The following SCAPER variants were observed in gnomAD, a reference collection of about 807,000 sequenced individuals.
SCAPER encodes the protein S phase cyclin A-associated protein in the endoplasmic reticulum.
SCAPER carries 98 observed loss-of-function variants against 182.2 expected under a neutral mutation model. That is an observed-to-expected ratio of 0.54 (90% confidence interval 0.46 to 0.64). SCAPER has a LOEUF of 0.64. SCAPER is among the 30% of genes least tolerant of loss of function. The pLI is 0.00. For missense variants in SCAPER, 1,432 were observed against 1,690.0 expected (o/e 0.85, Z 2.68); for synonymous variants, 605 against 564.6 (o/e 1.07, Z -1.01).
At chr15:76,677,139 C>T (rs975635080) in intron 20 of SCAPER, among the ~76,000 whole-genome samples, 2 of 152,076 alleles carry the variant, frequency 1.3e-5, no homozygotes, top group African/African-American at 2.4e-5. Context: ...ATGTGAATCA[C>T]AATAAAAATC....
intron 22 of SCAPER, among the ~76,000 whole-genome samples, chr15:76,618,222 T>A (rs1223895093): frequency 2.0e-5 from 3 of 152,186 alleles, no homozygotes; most frequent in Non-Finnish European, 4.4e-5. Flanking sequence ...ATCACGCCAC[T>A]ACATTCCAGC....
chr15:76,384,085 A>C (rs2043141450), intron 27 of SCAPER, among the ~76,000 whole-genome samples: 1 of 152,168 alleles, frequency 6.6e-6, no homozygotes, highest in Non-Finnish European at 1.5e-5. Flanking sequence ...AGTAGAGATT[A>C]ATGTGTCTGA....
chr15:76,492,864 G>T (rs2052456454), intron 24 of SCAPER, among the ~76,000 whole-genome samples: 1 of 147,566 alleles, frequency 6.8e-6, no homozygotes, highest in East Asian at 2.0e-4. Flanking sequence ...CACAATCTGA[G>T]AGTGTTTTTT....
intron 1 of SCAPER, among the ~76,000 whole-genome samples, chr15:76,889,905 G>T (rs560733021): frequency 2.6e-5 from 4 of 152,202 alleles, no homozygotes; most frequent in East Asian, 1.9e-4. Flanking sequence ...TTCTAAAATT[G>T]ACCACATAAT....
chr15:76,416,148 A>C (rs772793842), intron 26 of SCAPER, among the ~76,000 whole-genome samples: 4 of 152,096 alleles, frequency 2.6e-5, no homozygotes, highest in Non-Finnish European at 5.9e-5. Context: ...GCCAGTGAAC[A>C]TTAAAAAATA....
intron 20 of SCAPER, among the ~76,000 whole-genome samples, chr15:76,698,844 T>C (rs1177747963): frequency 1.3e-5 from 2 of 152,232 alleles, no homozygotes; most frequent in Non-Finnish European, 2.9e-5. Context: ...ATCTGCAAAT[T>C]GCTTTGGGCC....
Position 76,883,869 on chromosome 15 carries a change from T to C in SCAPER, c.-52A>G, listed in dbSNP as rs770157587. On this transcript the variant is annotated 5_prime_UTR_variant, in exon 2 of 32. The change creates a new upstream start codon in the 5' untranslated region. Transcript: ENST00000563290. ...TCATTTATCACATAAACCCATGGAG[T>C]ATGACTCCTACAATAAAAAATATAT... 1.5e-6 allele frequency: 2 copies of C among 1,348,122 alleles called. No individual in the cohort carries two copies. Among genetic ancestry groups the C allele is most frequent in the Non-Finnish European group, 2.0e-6 (2 of 980,744 alleles). The allele number at this position is 1,348,122 out of a possible 1,614,324, so 83.5% of individuals were successfully genotyped here.
chr15:76,669,824 C>T (rs1474483037), intron 20 of SCAPER, among the ~76,000 whole-genome samples: 3 of 152,168 alleles, frequency 2.0e-5, no homozygotes, highest in Admixed American at 6.5e-5. Flanking sequence ...TTGATCACTA[C>T]ACTGAGGAAA....
chr15:76,524,617 G>A (rs993489484), intron 23 of SCAPER, among the ~76,000 whole-genome samples: 1 of 146,466 alleles, frequency 6.8e-6, no homozygotes, highest in African/African-American at 2.5e-5. Flanking sequence ...ATTCTGCTTA[G>A]AAAAGTTCAT....
At chr15:76,396,368 C>T (rs772216901) in intron 27 of SCAPER, among the ~76,000 whole-genome samples, 1 of 152,040 alleles carries the variant, frequency 6.6e-6, no homozygotes, top group Non-Finnish European at 1.5e-5. Flanking sequence ...AGAATGTCAT[C>T]AATGTTTTGA....
intron 10 of SCAPER, among the ~76,000 whole-genome samples, chr15:76,768,574 T>C (rs1454353098): frequency 1.3e-5 from 2 of 152,140 alleles, no homozygotes; most frequent in East Asian, 3.9e-4. Context: ...GTTTTCTTTT[T>C]AGAGTGATGA....
At chr15:76,499,264 G>A (rs979801854) in intron 24 of SCAPER, among the ~76,000 whole-genome samples, 2 of 152,218 alleles carry the variant, frequency 1.3e-5, no homozygotes, top group Admixed American at 6.5e-5. Context: ...ACTGATGATG[G>A]AGGGTAAGTT....
chr15:76,578,961 A>G (rs1270564334), intron 22 of SCAPER, among the ~76,000 whole-genome samples: 3 of 152,204 alleles, frequency 2.0e-5, no homozygotes, highest in Non-Finnish European at 2.9e-5. Flanking sequence ...TAACACAGAG[A>G]AGGAATTCAG....
At chr15:76,591,923 G>C (rs1046580068) in intron 22 of SCAPER, among the ~76,000 whole-genome samples, 3 of 152,114 alleles carry the variant, frequency 2.0e-5, no homozygotes, top group African/African-American at 7.2e-5. Context: ...ATCCAGACAG[G>C]GTGGCGCATG....
At chr15:76,447,496 G>A (rs2048080729) in intron 25 of SCAPER, among the ~76,000 whole-genome samples, 1 of 152,136 alleles carries the variant, frequency 6.6e-6, no homozygotes, top group Non-Finnish European at 1.5e-5. Flanking sequence ...CTGTGGGTAT[G>A]ATGCTACCTT....
At chr15:76,516,176 C>A (rs2042401618) in intron 23 of SCAPER, among the ~76,000 whole-genome samples, 1 of 150,110 alleles carries the variant, frequency 6.7e-6, no homozygotes, top group African/African-American at 2.5e-5. Context: ...TCAGAACTTT[C>A]TTTCTTTCTT....
chr15:76,513,177 C>T (rs1056346803), intron 23 of SCAPER, among the ~76,000 whole-genome samples: 1 of 152,156 alleles, frequency 6.6e-6, no homozygotes, highest in Non-Finnish European at 1.5e-5. Flanking sequence ...AGTCCTGGCA[C>T]AGAGCAGGAA....
intron 21 of SCAPER, among the ~76,000 whole-genome samples, chr15:76,629,805 AT>A (rs1310458235): frequency 6.6e-6 from 1 of 152,220 alleles, no homozygotes. Context: ...CTCCCTTTCA[AT>A]TTTTTGGAAT....
At chr15:76,387,491 G>A (rs1439843578) in intron 27 of SCAPER, among the ~76,000 whole-genome samples, 2 of 152,096 alleles carry the variant, frequency 1.3e-5, no homozygotes, top group African/African-American at 2.4e-5. Flanking sequence ...GAGGAGTCTC[G>A]GCTTGAGATA....
Sources: allele counts gnomAD v4.1 joint callset (sites outside exome capture counted in the v4.1 genomes callset), GRCh38; gene constraint gnomAD v4.1.1; transcripts MANE v1.5; gene names NCBI Gene and HGNC (gene_info 2026-07-23, HGNC 2026-07-21).